Variants in LHCGR observed in about 807,000 individuals in gnomAD.
The protein encoded by LHCGR is luteinizing hormone/choriogonadotropin receptor.
In LHCGR, 55 loss-of-function variants were observed where a neutral mutation model predicts 60.7. That is an observed-to-expected ratio of 0.91 (90% CI 0.73 to 1.13). The LOEUF is 1.13. LHCGR is among the 50% of genes most tolerant of loss of function. LHCGR has a pLI of 0.00. For synonymous variants in LHCGR, 337 were observed against 316.5 expected, an observed-to-expected ratio of 1.06 and a Z score of -0.69; for missense variants, 862 against 836.0, an observed-to-expected ratio of 1.03 and a Z score of -0.38.
At chr2:48,732,414 G>A (rs950687748) in intron 1 of LHCGR, among the ~76,000 whole-genome samples, 27 of 152,192 alleles carry the variant, frequency 1.8e-4, no homozygotes, top group African/African-American at 6.5e-4. Flanking sequence ...GCAGATGAAA[G>A]TAAGATTTCT....
chr2:48,723,764 A>G (rs1668601679), intron 4 of LHCGR, 68 bp from the exon 5 acceptor site: 1 of 1,139,276 alleles, frequency 8.8e-7, no homozygotes, highest in African/African-American at 1.5e-5. Flanking sequence ...TAAGACATAA[A>G]GATAAAAAGA....
chr2:48,711,297 C>T (rs900244333), intron 7 of LHCGR, among the ~76,000 whole-genome samples: 27 of 152,034 alleles, frequency 1.8e-4, no homozygotes, highest in Admixed American at 1.3e-3. Flanking sequence ...ATAATTTTAT[C>T]TGTTATTTGC....
At chr2:48,743,022 T>A (rs2103695187) in intron 1 of LHCGR, among the ~76,000 whole-genome samples, 1 of 151,996 alleles carries the variant, frequency 6.6e-6, no homozygotes, top group East Asian at 1.9e-4. Context: ...TCACCACCGA[T>A]CCCACAGAAA....
At chr2:48,743,168 C>T (rs1322294055) in intron 1 of LHCGR, among the ~76,000 whole-genome samples, 1 of 152,082 alleles carries the variant, frequency 6.6e-6, no homozygotes, top group Non-Finnish European at 1.5e-5. Flanking sequence ...CTGAATAGAC[C>T]AATAACAGGA....
At chr2:48,730,712 C>T (rs1370766890) in intron 2 of LHCGR, among the ~76,000 whole-genome samples, 1 of 152,228 alleles carries the variant, frequency 6.6e-6, no homozygotes, top group African/African-American at 2.4e-5. Context: ...GAAGTTATGT[C>T]TGACAAACAT....
At chr2:48,736,304 G>C (rs528831429) in intron 1 of LHCGR, among the ~76,000 whole-genome samples, 6 of 152,040 alleles carry the variant, frequency 3.9e-5, no homozygotes, top group Non-Finnish European at 8.8e-5. Flanking sequence ...CCTTGCCTCC[G>C]GGTGGGACTA....
intron 8 of LHCGR, among the ~76,000 whole-genome samples, chr2:48,699,653 T>G (rs1029183699): frequency 6.6e-6 from 1 of 152,074 alleles, no homozygotes. Flanking sequence ...GGAAGCAGAA[T>G]GCATGTTCTC....
chr2:48,723,048 C>T (rs935172660), intron 6 of LHCGR, among the ~76,000 whole-genome samples: 2 of 152,206 alleles, frequency 1.3e-5, no homozygotes, highest in African/African-American at 4.8e-5. Context: ...GTCCATTGAT[C>T]AACTACTTTT....
chr2:48,742,168 A>C (rs1017267132), intron 1 of LHCGR, among the ~76,000 whole-genome samples: 1 of 152,056 alleles, frequency 6.6e-6, no homozygotes, highest in Non-Finnish European at 1.5e-5. Flanking sequence ...TGGACCCAAT[A>C]CAGGAGCACC....
At chr2:48,709,106 G>C (rs1667852214) in intron 7 of LHCGR, 84 bp from the exon 8 acceptor site, 3 of 1,033,890 alleles carry the variant, frequency 2.9e-6, no homozygotes, top group Middle Eastern at 2.0e-4. Context: ...TTTAGACCAA[G>C]CTATGTGCAT....
chr2:48,710,440 A>T (rs1421305673), intron 7 of LHCGR, among the ~76,000 whole-genome samples: 1 of 152,202 alleles, frequency 6.6e-6, no homozygotes, highest in South Asian at 2.1e-4. Context: ...AAATTTCGTG[A>T]CAGAGCATTT....
chr2:48,700,059 C>T lies in LHCGR; in HGVS notation c.681-1259G>A, dbSNP rs115188159. On this transcript the variant is annotated intron_variant, in intron 8 of 10. Transcript: ENST00000294954. ...AACATGGAATGATGATGGTGTAGGC[C>T]CTCAGTGGAAAAATTAAGGCAGCAA... 4.7e-3 allele frequency among the ~76,000 whole-genome samples: 716 copies of T among 152,208 alleles called. 11 individuals carry two copies. The highest frequency in any genetic ancestry group is 0.017 in the African/African-American group (690 of 41,512).
At position 48,725,117 on chromosome 2, in the gene LHCGR, G is replaced by C. The variant is rs562601706; in HGVS notation, c.383+559C>G. Among the ~76,000 whole-genome samples, 3 of 152,320 alleles carry C rather than the reference G, an allele frequency of 2.0e-5. No homozygotes were observed. In the South Asian group the frequency reaches 6.2e-4, roughly 32 times the overall value. On this transcript the variant is annotated intron_variant, in intron 4 of 10. Transcript: ENST00000294954. ...AAGGCAATGATTGTGGCAGGCTACA[G>C]TGGTACTCAATTTCTAATGCTAACT...
At chr2:48,752,201 C>G (rs1669986143) in intron 1 of LHCGR, among the ~76,000 whole-genome samples, 1 of 152,108 alleles carries the variant, frequency 6.6e-6, no homozygotes, top group African/African-American at 2.4e-5. Flanking sequence ...TGAACGATGC[C>G]ATTTTCAAAA....
At chr2:48,726,810 G>T (rs536559345) in intron 3 of LHCGR, among the ~76,000 whole-genome samples, 4 of 152,254 alleles carry the variant, frequency 2.6e-5, no homozygotes, top group African/African-American at 9.6e-5. Flanking sequence ...AAATATATGT[G>T]TCTGGTTCAC....
chr2:48,751,109 T>C (rs1351088153), intron 1 of LHCGR, among the ~76,000 whole-genome samples: 3 of 151,516 alleles, frequency 2.0e-5, no homozygotes, highest in Non-Finnish European at 4.4e-5. Context: ...AAGATGGAGG[T>C]GGAGTGGGGG....
chr2:48,699,910 G>C (rs560498638), intron 8 of LHCGR, among the ~76,000 whole-genome samples: 3 of 152,306 alleles, frequency 2.0e-5, no homozygotes, highest in Admixed American at 2.0e-4. Context: ...CTTCTAAGTG[G>C]CTGCTGCTGG....
At chr2:48,719,839 T>C (rs1668423593) in intron 6 of LHCGR, among the ~76,000 whole-genome samples, 1 of 152,192 alleles carries the variant, frequency 6.6e-6, no homozygotes, top group South Asian at 2.1e-4. Flanking sequence ...TATTTTCTAA[T>C]TAGAGAGTTG....
chr2:48,710,694 C>T (rs1229653403), intron 7 of LHCGR, among the ~76,000 whole-genome samples: 1 of 152,176 alleles, frequency 6.6e-6, no homozygotes, highest in Non-Finnish European at 1.5e-5. Context: ...TGGACTGACT[C>T]CTAGACCCCT....
Sources: gnomAD v4.1 joint callset for allele counts (sites outside exome capture counted in the v4.1 genomes callset) on GRCh38, gnomAD v4.1.1 for gene constraint, MANE v1.5 for transcripts, NCBI Gene and HGNC (gene_info 2026-07-23, HGNC 2026-07-21) for gene names.